Variants in AMDHD2 observed in about 807,000 individuals in gnomAD.
AMDHD2 encodes the protein amidohydrolase domain containing 2, also known as N-acetylglucosamine-6-phosphate deacetylase.
Under a neutral mutation model 41.8 loss-of-function variants are expected in AMDHD2, and 24 were observed. The ratio of observed to expected loss-of-function variants is 0.57; its 90% CI spans 0.42 to 0.81. The LOEUF is 0.81. AMDHD2 is among the 30% of genes least tolerant of loss of function. AMDHD2 has a pLI of 0.00. For missense variants in AMDHD2, 540 were observed against 588.5 expected (o/e 0.92, Z 0.85); for synonymous variants, 332 against 255.5 (o/e 1.30, Z -2.85).
chr16:2,520,606 C>T (rs1412811688), intron 1 of AMDHD2, 65 bp downstream of exon 1: 2 of 1,145,654 alleles, frequency 1.7e-6, no homozygotes, highest in African/African-American at 1.8e-5. Context: ...GGGCCGGGGA[C>T]CGGGCGGGGT....
Position 2,530,530 on chromosome 16 carries a change from C to G in AMDHD2, c.*967C>G, listed in dbSNP as rs189095388. 592 of 1,614,196 alleles carry G rather than the reference C, an allele frequency of 3.7e-4. 1 individual carries two copies. Among genetic ancestry groups the G allele is most frequent in the Middle Eastern group, 2.8e-3 (17 of 6,060 alleles). On this transcript the variant is annotated 3_prime_UTR_variant, in exon 11 of 11. Coordinates refer to ENST00000293971, the MANE Select transcript of AMDHD2 (RefSeq NM_001330449.2). ...CCCACGTCAGGGGTGATTGTCTTGA[C>G]TTTCTCTCCATTTGAGTTCTGGGGT...
At chr16:2,529,224 G>A in intron 10 of AMDHD2, 129 bp downstream of exon 10, 2 of 1,100,924 alleles carry the variant, frequency 1.8e-6, no homozygotes, top group Non-Finnish European at 2.5e-6. Flanking sequence ...TGGGCTGCCG[G>A]CTGCCAGCCT....
intron 3 of AMDHD2, among the ~76,000 whole-genome samples, chr16:2,522,007 A>T (rs779017090): frequency 1.3e-5 from 2 of 151,718 alleles, no homozygotes; most frequent in Non-Finnish European, 2.9e-5. Context: ...GATGGTCTCG[A>T]TCTCCTGACC....
chr16:2,522,854 T>C (rs1815926610), intron 3 of AMDHD2, among the ~76,000 whole-genome samples: 1 of 151,140 alleles, frequency 6.6e-6, no homozygotes, highest in Non-Finnish European at 1.5e-5. Flanking sequence ...CTTTTTTTTT[T>C]TTTTTTTGAG....
In AMDHD2 at chr16:2,527,167, G is replaced by C; in HGVS notation, c.361-394G>C. ...CACTCGGTCTTCCTGATGGCGTCCA[G>C]CTCCGGCCATGGTGTGGACCACACA... On this transcript the variant is annotated intron_variant, in intron 3 of 10. Transcript: ENST00000293971. This position sits in a 1 kb window ranked among gnomAD's most constrained non-coding sequence, Gnocchi z 6.1. The C allele has an allele frequency of 3.9e-6, 1 of 259,640 alleles. No homozygotes were observed. Among genetic ancestry groups the C allele is most frequent in the Non-Finnish European group, 7.3e-6 (1 of 136,298 alleles). The allele number at this position is 259,640 out of a possible 1,614,324, so 16.1% of individuals were successfully genotyped here.
At chr16:2,521,259 T>TCTGGGCCTGGGTC (rs1276310697) in intron 3 of AMDHD2, 136 bp downstream of exon 3, 6 of 1,200,140 alleles carry the variant, frequency 5.0e-6, no homozygotes, top group Non-Finnish European at 6.6e-6. Flanking sequence ...GATGACCGGA[T>TCTGGGCCTGGGTC]CTGGGCCTGG....
chr16:2,527,596 C>T lies in AMDHD2; in HGVS notation c.396C>T (p.Pro132=). 2 of 1,613,188 alleles carry T rather than the reference C, an allele frequency of 1.2e-6. No homozygotes were observed. Among genetic ancestry groups the T allele is most frequent in the Middle Eastern group, 1.7e-4 (1 of 6,056 alleles). ...VPQIPVKSGG[P]HGAGVLGLHL... ...AGATCCCTGTGAAGAGTGGTGGTCC[C>T]CATGGGGCAGGGGTCCTCGGTGAGT... The change falls in exon 4 of 11, where the codon CCC becomes CCT. Residue 132 remains proline (P), a synonymous_variant. Transcript: ENST00000293971. This position sits in a 1 kb window ranked among gnomAD's most constrained non-coding sequence, Gnocchi z 6.1.
At chr16:2,528,179 T>TGGGGCCCCAGGGGCGGGGC (rs1232783563) in intron 6 of AMDHD2, 31 bp downstream of exon 6, 4 of 1,612,366 alleles carry the variant, frequency 2.5e-6, no homozygotes, top group Non-Finnish European at 3.4e-6. Flanking sequence ...GGGGCGGGGC[T>TGGGGCCCCAGGGGCGGGGC]GGGGTCCCAG....
In AMDHD2 at chr16:2,528,130, C is replaced by T. The variant is rs35816046; in HGVS notation, c.699C>T (p.Leu233=). The part of the protein sequence containing the change: ...VWSGATFITH[L]FNAMLPFHHR... ...GCGGAGCCACCTTCATCACCCACCT[C>T]TTCAACGCCATGCTGCCTGTGAGTG... The change falls in exon 6 of 11, where the codon CTC becomes CTT. Residue 233 remains leucine, a synonymous_variant. Transcript: ENST00000293971. 1.0e-3 allele frequency: 1,673 copies of T among 1,613,160 alleles called. 31 individuals are homozygous for T. The East Asian group carries it at 0.026, about 25-fold the overall frequency.
intron 3 of AMDHD2, among the ~76,000 whole-genome samples, chr16:2,525,908 A>C (rs1210719956): frequency 6.6e-6 from 1 of 151,948 alleles, no homozygotes; most frequent in African/African-American, 2.4e-5. Context: ...CAAACTCCTG[A>C]CCTCAGGTGA....
Position 2,530,530 on chromosome 16 carries a change from C to CT in AMDHD2, c.*970dup. Reference sequence around the variant, plus strand: ...CCCACGTCAGGGGTGATTGTCTTGACTTTCTCTCCATTTGAGTTCTGGGGT... The same window carrying CT: ...CCCACGTCAGGGGTGATTGTCTTGACTTTTCTCTCCATTTGAGTTCTGGGGT... On this transcript the variant is annotated 3_prime_UTR_variant, in exon 11 of 11. Coordinates refer to ENST00000293971, the MANE Select transcript of AMDHD2 (RefSeq NM_001330449.2). 6.2e-7 allele frequency: 1 copy of CT among 1,614,196 alleles called. No individual in the cohort carries two copies. The highest frequency in any genetic ancestry group is 8.5e-7 in the Non-Finnish European group (1 of 1,180,020).
chr16:2,527,911 C>T lies in AMDHD2; in HGVS notation c.554C>T (p.Thr185Met). 2 of 1,596,622 alleles carry T rather than the reference C, an allele frequency of 1.3e-6. No homozygotes were observed. Among genetic ancestry groups the T allele is most frequent in the Admixed American group, 1.7e-5 (1 of 59,468 alleles). Residue 185 changes from threonine to methionine, a missense_variant, in exon 5 of 11, where the codon ACG becomes ATG. By Grantham distance (81) the Thr-to-Met change is moderately conservative. Transcript: ENST00000293971. The surrounding 1 kb of genome is among the most constrained non-coding windows in gnomAD (Gnocchi z 6.1). Reference protein sequence around the residue: ...YGPLDNVRIVTLAPELGRSHE... With the variant: ...YGPLDNVRIVMLAPELGRSHE... ...CCCCTGGACAATGTCCGCATCGTGA[C>T]GCTGGCCCCAGAGTTGGGCCGTAGC...
Position 2,529,961 on chromosome 16 carries a change from T to G in AMDHD2, c.*398T>G. On this transcript the variant is annotated 3_prime_UTR_variant, in exon 11 of 11. Transcript: ENST00000293971. Reference sequence around the variant, plus strand: ...GGCAGGCAGTCAGTGGCTGGTGCCATGGGGTGAAGCCACCATGGGCTGGGG... The same window carrying G: ...GGCAGGCAGTCAGTGGCTGGTGCCAGGGGGTGAAGCCACCATGGGCTGGGG... 1 of 784,956 alleles carries G rather than the reference T, an allele frequency of 1.3e-6. No homozygotes were observed. Among genetic ancestry groups the G allele is most frequent in the Non-Finnish European group, 1.9e-6 (1 of 519,278 alleles). 48.6% of individuals were successfully genotyped at this position (784,956 alleles called of 1,614,324 possible). A position where few individuals can be genotyped will look rare whatever the true frequency, so the allele number is the denominator to read the frequency against.
intron 3 of AMDHD2, among the ~76,000 whole-genome samples, chr16:2,526,776 C>A (rs765453864): frequency 6.6e-6 from 1 of 151,994 alleles, no homozygotes; most frequent in Non-Finnish European, 1.5e-5. Context: ...ACTAAAAATA[C>A]AAAATTAGCC....
At position 2,529,441 on chromosome 16, in the gene AMDHD2, C is replaced by A. The variant is rs537732413; in HGVS notation, c.1142-34C>A. 1.9e-6 allele frequency: 3 copies of A among 1,605,652 alleles called. No individual in the cohort carries two copies. The South Asian group carries it at 3.3e-5, about 18-fold the overall frequency. On this transcript the variant is annotated intron_variant, in intron 10 of 10. Transcript: ENST00000293971. ...TCTGGGGTAGGTGGGCGGCCCCACT[C>A]CTGCCCCCTACTCATTGCCCGGCTC...
In AMDHD2 at chr16:2,521,038, C is replaced by A; in HGVS notation, c.275C>A (p.Ala92Asp). ...ACGGAGGACGTGGGTTCGGGGGTTG[C>A]CCTCGTGGCCCGGAGGATCCTGTCG... is the stretch of plus-strand genomic sequence containing the variant. ...QATEDVGSGV[A>D]LVARRILSHG... The change falls in exon 3 of 11, where the codon GCC (alanine) becomes GAC (aspartate). Residue 92 changes from alanine to aspartate, a missense_variant. Transcript: ENST00000293971. The A allele has an allele frequency of 6.2e-7, 1 of 1,611,238 alleles. No homozygotes were observed. Among genetic ancestry groups the A allele is most frequent in the Non-Finnish European group, 8.5e-7 (1 of 1,178,478 alleles).
At position 2,531,015 on chromosome 16, in the gene AMDHD2, T is replaced by TTAGA; in HGVS notation, c.*1453_*1456dup. 1 of 1,607,390 alleles carries TTAGA rather than the reference T, an allele frequency of 6.2e-7. No homozygotes were observed. Among genetic ancestry groups the TTAGA allele is most frequent in the Non-Finnish European group, 8.5e-7 (1 of 1,175,070 alleles). On this transcript the variant is annotated 3_prime_UTR_variant, in exon 11 of 11. Transcript: ENST00000293971. ...GCAGGTGAGGTTCTCAGCCGATGTG[T>TTAGA]TAGAGGTTGAGCATCGCCTGTGCCC...
chr16:2,529,455 A>C lies in AMDHD2; in HGVS notation c.1142-20A>C. On this transcript the variant is annotated intron_variant, in intron 10 of 10. Transcript: ENST00000293971. ...GCGGCCCCACTCCTGCCCCCTACTC[A>C]TTGCCCGGCTCTGTCCCAGACTTCG... is the stretch of plus-strand genomic sequence containing the variant. The C allele has an allele frequency of 6.2e-7, 1 of 1,608,040 alleles. No homozygotes were observed. Among genetic ancestry groups the C allele is most frequent in the Non-Finnish European group, 8.5e-7 (1 of 1,179,794 alleles).
intron 3 of AMDHD2, among the ~76,000 whole-genome samples, chr16:2,525,321 G>A (rs1477854407): frequency 1.3e-5 from 2 of 150,856 alleles, no homozygotes; most frequent in Non-Finnish European, 2.9e-5. Context: ...GCCTTCCAAA[G>A]TGCTGGGATT....
Sources: gnomAD v4.1 joint callset for allele counts (sites outside exome capture counted in the v4.1 genomes callset) on GRCh38, gnomAD v4.1.1 for gene constraint, Gnocchi (gnomAD v3.1) non-coding constraint, MANE v1.5 for transcripts, NCBI Gene and HGNC (gene_info 2026-07-23, HGNC 2026-07-21) for gene names.